GDA: variants seen among roughly 807,000 people sequenced by gnomAD.
The protein encoded by GDA is cytoplasmic PSD-95 interactor.
Under a neutral mutation model 59.6 loss-of-function variants are expected in GDA, and 18 were observed. That is an observed-to-expected ratio of 0.30 (90% CI 0.21 to 0.45). GDA has a LOEUF of 0.45. GDA is among the 20% of genes least tolerant of loss of function. The probability of loss-of-function intolerance (pLI) is 1.00; values close to 1 mark genes in which losing one functional copy is unlikely to be tolerated. For synonymous variants in GDA, 201 were observed against 201.1 expected (o/e 1.00, Z 0.00); for missense variants, 427 against 552.3 (o/e 0.77, Z 2.27).
intron 8 of GDA, among the ~76,000 whole-genome samples, chr9:72,226,016 CGTGT>C (rs746107479): frequency 6.4e-5 from 8 of 124,508 alleles, no homozygotes; most frequent in Admixed American, 3.2e-4. Flanking sequence ...TGTGTGTGTG[CGTGT>C]GTGTGTGTGT....
downstream of GDA, chr9:72,257,764 A>C (rs1377542647): frequency 6.5e-6 from 1 of 152,828 alleles, no homozygotes; most frequent in African/African-American, 2.4e-5. Context: ...TCTACAAAAA[A>C]TACAAAATAA....
rs902979455 is a variant in GDA, at chr9:72,250,871, A to G, written c.*2529A>G. The G allele has an allele frequency of 1.7e-5, 27 of 1,585,494 alleles. No individual in the cohort carries two copies. In the African/African-American group the frequency reaches 3.2e-4, roughly 19 times the overall value. On this transcript the variant is annotated 3_prime_UTR_variant, in exon 14 of 14. Coordinates refer to ENST00000358399, the MANE Select transcript of GDA (RefSeq NM_004293.5). ...AAACAATTCAAAAGTATCGATTATC[A>G]TAAATTCACAAAATATTTTTGCAAC...
chr9:72,188,120 G>T (rs769426560), intron 1 of GDA, among the ~76,000 whole-genome samples: 4 of 152,204 alleles, frequency 2.6e-5, no homozygotes, highest in Non-Finnish European at 4.4e-5. Flanking sequence ...TATGTGAAAA[G>T]ATTTGGAAAA....
chr9:72,257,159 A>G (rs958099182), downstream of GDA: 1 of 152,274 alleles, frequency 6.6e-6, no homozygotes, highest in African/African-American at 2.4e-5. Context: ...TGAGAGGGTG[A>G]ACCCTACCCA....
chr9:72,148,265 GAC>G (rs765364189), upstream of GDA, among the ~76,000 whole-genome samples: 28 of 151,828 alleles, frequency 1.8e-4, no homozygotes, highest in Non-Finnish European at 3.5e-4. Context: ...CTAGGCATAA[GAC>G]ACATTCCCTG....
intron 3 of GDA, among the ~76,000 whole-genome samples, chr9:72,204,406 G>A (rs1021114520): frequency 5.9e-5 from 9 of 152,114 alleles, no homozygotes; most frequent in African/African-American, 1.9e-4. Context: ...AGAAAAAAAA[G>A]GGGGAAGGAA....
chr9:72,189,239 G>A (rs1437520213), intron 1 of GDA, among the ~76,000 whole-genome samples: 1 of 136,052 alleles, frequency 7.4e-6, no homozygotes, highest in Non-Finnish European at 1.5e-5. Flanking sequence ...GAACTACAGT[G>A]GTGTGATGAC....
At chr9:72,194,639 TC>T (rs549729223) in intron 1 of GDA, among the ~76,000 whole-genome samples, 53 of 152,022 alleles carry the variant, frequency 3.5e-4, no homozygotes, top group African/African-American at 1.1e-3. Context: ...GAGGTTGTGT[TC>T]CCCCCCTTCC....
At chr9:72,207,896 G>A (rs1834909307) in intron 3 of GDA, among the ~76,000 whole-genome samples, 1 of 151,916 alleles carries the variant, frequency 6.6e-6, no homozygotes, top group African/African-American at 2.4e-5. Flanking sequence ...GATCACTTGG[G>A]GCCATGAGTT....
intron 5 of GDA, among the ~76,000 whole-genome samples, chr9:72,215,698 A>T (rs1022095833): frequency 2.6e-5 from 4 of 152,174 alleles, no homozygotes; most frequent in African/African-American, 9.7e-5. Context: ...GAGAGAGACC[A>T]TGGGAGGGAC....
At chr9:72,156,882 A>C (rs1200365669) in intron 1 of GDA, among the ~76,000 whole-genome samples, 5 of 152,156 alleles carry the variant, frequency 3.3e-5, no homozygotes, top group African/African-American at 1.2e-4. Context: ...TCATATGAAG[A>C]AAAGATACTT....
chr9:72,241,069 C>A, intron 10 of GDA, 83 bp from the exon 11 acceptor site: 3 of 926,896 alleles, frequency 3.2e-6, no homozygotes, highest in Non-Finnish European at 4.8e-6. Context: ...GACTGAATAT[C>A]TGTCATAAAA....
chr9:72,241,014 A>T (rs542874760), intron 10 of GDA, 138 bp from the exon 11 acceptor site: 1 of 513,206 alleles, frequency 1.9e-6, no homozygotes, highest in East Asian at 2.8e-5. Context: ...GTCTACGACT[A>T]TCTTGTGTTT....
At chr9:72,192,420 C>T (rs566318282) in intron 1 of GDA, among the ~76,000 whole-genome samples, 180 of 149,880 alleles carry the variant, frequency 1.2e-3, no homozygotes, top group African/African-American at 4.1e-3. Context: ...TTAGTAGAGA[C>T]GGGTTTTCAC....
intron 1 of GDA, among the ~76,000 whole-genome samples, chr9:72,168,355 T>C (rs1228232846): frequency 6.7e-6 from 1 of 150,322 alleles, no homozygotes; most frequent in Non-Finnish European, 1.5e-5. Flanking sequence ...ATTGCACCAC[T>C]GCACTCCAAA....
intron 1 of GDA, among the ~76,000 whole-genome samples, chr9:72,170,757 C>A (rs1829865323): frequency 6.6e-6 from 1 of 152,128 alleles, no homozygotes; most frequent in Non-Finnish European, 1.5e-5. Flanking sequence ...ATAGGGGCCA[C>A]AAAGATGAAG....
intron 1 of GDA, among the ~76,000 whole-genome samples, chr9:72,161,051 T>C (rs1828563511): frequency 6.6e-6 from 1 of 151,336 alleles, no homozygotes. Flanking sequence ...GGACTACAGG[T>C]GTTTGCCACT....
intron 1 of GDA, among the ~76,000 whole-genome samples, chr9:72,144,182 AATGCAC>A (rs1826540428): frequency 6.6e-6 from 1 of 152,226 alleles, no homozygotes; most frequent in Non-Finnish European, 1.5e-5. Flanking sequence ...AGATGGTGTC[AATGCAC>A]TCCAGCCTGG....
intron 1 of GDA, among the ~76,000 whole-genome samples, chr9:72,132,363 A>G (rs1235588201): frequency 6.6e-6 from 1 of 152,144 alleles, no homozygotes; most frequent in Non-Finnish European, 1.5e-5. Context: ...CACAGGATAT[A>G]ATAATACCCT....
Sources: allele counts gnomAD v4.1 joint callset (sites outside exome capture counted in the v4.1 genomes callset), GRCh38; gene constraint gnomAD v4.1.1; transcripts MANE v1.5; gene names NCBI Gene and HGNC (gene_info 2026-07-23, HGNC 2026-07-21).